MKNK1: variants seen among roughly 807,000 people sequenced by gnomAD.
The protein encoded by MKNK1 is MAP kinase-interacting serine/threonine-protein kinase 1.
Under a neutral mutation model 49.3 loss-of-function variants are expected in MKNK1, and 30 were observed. The ratio of observed to expected loss-of-function variants is 0.61; its 90% CI spans 0.46 to 0.83. The LOEUF (loss-of-function observed/expected upper bound fraction) is 0.83, where lower values mean the gene tolerates loss of function less well. MKNK1 is among the 40% of genes least tolerant of loss of function. The probability of loss-of-function intolerance (pLI) is 0.00; values close to 1 mark genes in which losing one functional copy is unlikely to be tolerated. For missense variants in MKNK1, 423 were observed against 524.7 expected (o/e 0.81, Z 1.89); for synonymous variants, 176 against 201.7 (o/e 0.87, Z 1.08).
At chr1:46,578,729 C>T (rs1010351122) in intron 4 of MKNK1, among the ~76,000 whole-genome samples, 4 of 151,154 alleles carry the variant, frequency 2.6e-5, no homozygotes, top group East Asian at 1.9e-4. Context: ...TGGAATTAGA[C>T]GCACATGCCA....
At chr1:46,597,612 C>CAATT (rs747152377) in intron 1 of MKNK1, among the ~76,000 whole-genome samples, 3 of 152,190 alleles carry the variant, frequency 2.0e-5, no homozygotes, top group Admixed American at 6.5e-5. Flanking sequence ...TTGCTCTAAC[C>CAATT]AATTCCCAGC....
In MKNK1 at chr1:46,564,752, G is replaced by A. The variant is rs190650483; in HGVS notation, c.609+289C>T. 4.6e-5 allele frequency among the ~76,000 whole-genome samples: 7 copies of A among 152,234 alleles called. No homozygotes were observed. The East Asian group carries it at 1.4e-3, about 29-fold the overall frequency. ...AACCTCCTAAAGTGCTAGGATTACA[G>A]GCATGAGCCATTGCAAACGGCCAGC... On this transcript the variant is annotated intron_variant, in intron 9 of 12. Coordinates refer to ENST00000371945, the MANE Select transcript of MKNK1 (RefSeq NM_001135553.4).
chr1:46,568,229 C>G, intron 8 of MKNK1: 1 of 528,676 alleles, frequency 1.9e-6, no homozygotes. Flanking sequence ...TCCAAACTCT[C>G]AGGCTTACAT....
intron 7 of MKNK1, chr1:46,568,824 A>C: frequency 3.5e-6 from 1 of 283,272 alleles, no homozygotes; most frequent in Non-Finnish European, 6.6e-6. Flanking sequence ...GAGCTCTGCA[A>C]ACGGCAATGC....
intron 2 of MKNK1, among the ~76,000 whole-genome samples, chr1:46,590,774 GTCAC>G (rs1408945168): frequency 2.0e-5 from 3 of 152,242 alleles, no homozygotes; most frequent in Non-Finnish European, 4.4e-5. Flanking sequence ...CAGGCCTCCA[GTCAC>G]TCACTGTTAC....
chr1:46,560,866 AG>A (rs1365201010), intron 11 of MKNK1, among the ~76,000 whole-genome samples: 1 of 152,214 alleles, frequency 6.6e-6, no homozygotes, highest in Non-Finnish European at 1.5e-5. Flanking sequence ...AGGGTCACTG[AG>A]GCTGGCCAGA....
chr1:46,586,841 T>A (rs866038107), intron 2 of MKNK1, among the ~76,000 whole-genome samples: 3 of 152,226 alleles, frequency 2.0e-5, no homozygotes, highest in Non-Finnish European at 1.5e-5. Context: ...AGATGGAGTC[T>A]TGCTCTGTCA....
chr1:46,583,893 A>G (rs775637721), intron 2 of MKNK1, among the ~76,000 whole-genome samples: 1 of 152,214 alleles, frequency 6.6e-6, no homozygotes, highest in Non-Finnish European at 1.5e-5. Context: ...CATGTCCAAG[A>G]GCACGGACTT....
chr1:46,580,930 A>C (rs1017641826), intron 3 of MKNK1, among the ~76,000 whole-genome samples: 4 of 152,214 alleles, frequency 2.6e-5, no homozygotes, highest in African/African-American at 9.6e-5. Context: ...AGAGTAAGGA[A>C]TAAAATAAAG....
In MKNK1 at chr1:46,572,123, G is replaced by T. The variant is rs146727868; in HGVS notation, c.397C>A (p.Arg133=). The T allele has an allele frequency of 1.2e-6, 2 of 1,614,048 alleles. No homozygotes were observed. The highest frequency in any genetic ancestry group is 3.3e-5 in the Admixed American group (2 of 60,010). ...HIQKQKHFNE[R]EASRVVRDVA... ...TCCCGCACCACTCGGCTGGCTTCTC[G>T]CTCATTGAAGTGCTTTTGCTTCTGG... The change falls in exon 7 of 13, where the codon CGA becomes AGA. Residue 133 remains arginine (R), a synonymous_variant. Transcript: ENST00000371945.
At chr1:46,576,236 A>C (rs1670931714) in intron 5 of MKNK1, 1 of 277,644 alleles carries the variant, frequency 3.6e-6, no homozygotes, top group Non-Finnish European at 7.0e-6. Context: ...AAGTCCTTAA[A>C]GATTTCTACC....
chr1:46,577,308 G>A (rs545399925), intron 4 of MKNK1, among the ~76,000 whole-genome samples: 39 of 152,146 alleles, frequency 2.6e-4, no homozygotes, highest in Non-Finnish European at 2.1e-4. Flanking sequence ...GTGAAACCCC[G>A]TCTCTACTGA....
chr1:46,579,572 C>G (rs958786642), intron 4 of MKNK1, among the ~76,000 whole-genome samples: 1 of 152,208 alleles, frequency 6.6e-6, no homozygotes, highest in Admixed American at 6.5e-5. Context: ...GTCAGAGTCA[C>G]CAGGAGAGTT....
At chr1:46,602,279 G>C (rs1674836061) in intron 1 of MKNK1, among the ~76,000 whole-genome samples, 1 of 152,206 alleles carries the variant, frequency 6.6e-6, no homozygotes, top group Non-Finnish European at 1.5e-5. Context: ...GGGTGTGGTG[G>C]CTCATGCCTG....
chr1:46,570,071 T>G (rs1347148361), intron 7 of MKNK1: 1 of 152,240 alleles, frequency 6.6e-6, no homozygotes, highest in African/African-American at 2.4e-5. Flanking sequence ...CGTGTGAAGT[T>G]ATTTAGCAAA....
intron 2 of MKNK1, among the ~76,000 whole-genome samples, chr1:46,592,899 C>G (rs148276567): frequency 5.3e-5 from 8 of 152,136 alleles, no homozygotes; most frequent in African/African-American, 1.9e-4. Context: ...GACCATCAAA[C>G]AGGGGGAAAA....
At chr1:46,577,514 A>G (rs1557860627) in intron 4 of MKNK1, among the ~76,000 whole-genome samples, 1 of 152,158 alleles carries the variant, frequency 6.6e-6, no homozygotes, top group Non-Finnish European at 1.5e-5. Context: ...ATAAACAATA[A>G]TAATTTATTT....
intron 10 of MKNK1, among the ~76,000 whole-genome samples, chr1:46,561,965 C>T (rs1668062244): frequency 6.6e-6 from 1 of 152,158 alleles, no homozygotes; most frequent in African/African-American, 2.4e-5. Flanking sequence ...GGCCTCATCT[C>T]CCACTACCAC....
At position 46,562,763 on chromosome 1, in the gene MKNK1, G is replaced by A; in HGVS notation, c.690C>T (p.Asp230=). The change falls in exon 10 of 13, where the codon GAC becomes GAT. Residue 230 remains aspartate, a synonymous_variant. Transcript: ENST00000371945. ...AGAGGACCACGCCCAGGCTCCACAGGTCACAGCGCTTGTCGTAGAATGTGG... is the reference window on the plus strand; with the variant it reads ...AGAGGACCACGCCCAGGCTCCACAGATCACAGCGCTTGTCGTAGAATGTGG... ...DQATFYDKRC[D]LWSLGVVLYI... The A allele has an allele frequency of 6.2e-7, 1 of 1,611,066 alleles. No individual in the cohort carries two copies. Among genetic ancestry groups the A allele is most frequent in the Non-Finnish European group, 8.5e-7 (1 of 1,178,540 alleles).
Sources: allele counts gnomAD v4.1 joint callset (sites outside exome capture counted in the v4.1 genomes callset), GRCh38; gene constraint gnomAD v4.1.1; transcripts MANE v1.5; gene names NCBI Gene and HGNC (gene_info 2026-07-23, HGNC 2026-07-21).